The following TRAPPC6A variants were observed in gnomAD, a reference collection of about 807,000 sequenced individuals.
The protein encoded by TRAPPC6A is TRAPP complex subunit 6A.
In TRAPPC6A, 25 loss-of-function variants were observed where a neutral mutation model predicts 20.8. The ratio of observed to expected loss-of-function variants is 1.20; its 90% CI spans 0.88 to 1.68. TRAPPC6A has a LOEUF of 1.68. Ranked by LOEUF, TRAPPC6A falls within the 40% of genes most tolerant of loss-of-function variation. TRAPPC6A has a pLI of 0.00. For synonymous variants in TRAPPC6A, 96 were observed against 93.3 expected, an observed-to-expected ratio of 1.03 and a Z score of -0.16; for missense variants, 215 against 211.6, an observed-to-expected ratio of 1.02 and a Z score of -0.10.
At position 45,163,125 on chromosome 19, in the gene TRAPPC6A, GCCC is replaced by G; in HGVS notation, c.*64_*66del. 1.3e-6 allele frequency: 2 copies of G among 1,591,140 alleles called. No homozygotes were observed. The highest frequency in any genetic ancestry group is 1.7e-4 in the Middle Eastern group (1 of 6,030). ...CCCAAGACCACCCCGAAATGCAGCGGCCCCACCGTCTCCTGAGGCCGGTGAGGC... is the reference window on the plus strand; with the variant it reads ...CCCAAGACCACCCCGAAATGCAGCGGCACCGTCTCCTGAGGCCGGTGAGGC... On this transcript the variant is annotated 3_prime_UTR_variant, in exon 6 of 6. Coordinates refer to ENST00000585934, the MANE Select transcript of TRAPPC6A (RefSeq NM_001270891.2). This position sits in a 1 kb window ranked among gnomAD's most constrained non-coding sequence, Gnocchi z 5.3.
Position 45,163,364 on chromosome 19 carries a change from G to C in TRAPPC6A, c.449-141C>G. 3 of 849,560 alleles carry C rather than the reference G, an allele frequency of 3.5e-6. No homozygotes were observed. The highest frequency in any genetic ancestry group is 5.6e-6 in the Non-Finnish European group (3 of 539,032). The allele number at this position is 849,560 out of a possible 1,614,324, so 52.6% of individuals were successfully genotyped here. The stretch of plus-strand genomic sequence containing the variant: ...GCTGTTTCCTCCCGCCCACGGGGCC[G>C]CATCCCTGAGCTGTGTGAGTAACCA... On this transcript the variant is annotated intron_variant, in intron 5 of 5. Coordinates refer to ENST00000585934, the MANE Select transcript of TRAPPC6A (RefSeq NM_001270891.2). This position sits in a 1 kb window ranked among gnomAD's most constrained non-coding sequence, Gnocchi z 5.3.
intron 3 of TRAPPC6A, 152 bp from the exon 4 acceptor site, chr19:45,164,399 T>C (rs1969096403): frequency 9.6e-6 from 6 of 623,312 alleles, no homozygotes; most frequent in South Asian, 6.0e-5. Context: ...CCTCCAGTGC[T>C]CTGGTAGGGC....
chr19:45,171,226 C>A (rs1030512452), intron 1 of TRAPPC6A, among the ~76,000 whole-genome samples: 1 of 152,088 alleles, frequency 6.6e-6, no homozygotes, highest in East Asian at 1.9e-4. Context: ...CGCTTGAACC[C>A]GGGAGGCAGA....
rs1026867488 is a variant in TRAPPC6A, at chr19:45,178,041, C to G, written c.84+94G>C. Reference sequence around the variant, plus strand: ...TTGCCCTGCAAGGCCGGGGCTGGGCCGGGTTCGAACCCGGACGCCTGACGC... The same window carrying G: ...TTGCCCTGCAAGGCCGGGGCTGGGCGGGGTTCGAACCCGGACGCCTGACGC... On this transcript the variant is annotated intron_variant, in intron 1 of 5. Transcript: ENST00000585934. The G allele has an allele frequency of 1.2e-5, 19 of 1,587,524 alleles. No individual in the cohort carries two copies. In the Admixed American group the frequency reaches 2.3e-4, roughly 19 times the overall value.
intron 1 of TRAPPC6A, among the ~76,000 whole-genome samples, chr19:45,174,450 A>G (rs2122856332): frequency 6.6e-6 from 1 of 152,048 alleles, no homozygotes; most frequent in South Asian, 2.1e-4. Flanking sequence ...ATCAATACAC[A>G]CCCAGGCCCA....
rs146070521 is a variant in TRAPPC6A, at chr19:45,169,454, G to A, written c.85-4260C>T. Among the ~76,000 whole-genome samples the A allele has an allele frequency of 2.9e-3, 443 of 152,300 alleles. 2 individuals carry two copies. The highest frequency in any genetic ancestry group is 1.0e-2 in the African/African-American group (414 of 41,568). On this transcript the variant is annotated intron_variant, in intron 1 of 5. Transcript: ENST00000585934. ...TGGGACTACAGGTGTGAGCCACTGC[G>A]TCCAGCCCAAAGGAGGGGAATATTA...
Position 45,174,964 on chromosome 19 carries a change from CA to C in TRAPPC6A, c.84+3170del, listed in dbSNP as rs137961011. On this transcript the variant is annotated intron_variant, in intron 1 of 5. Transcript: ENST00000585934. ...TGAAACCCCGTCTCTACTAAAAATA[CA>C]AAAAAAAAAAAAATTGCCAGGCGCG... Among the ~76,000 whole-genome samples the C allele has an allele frequency of 3.4e-3, 427 of 127,296 alleles. 3 individuals are homozygous for C. The highest frequency in any genetic ancestry group is 0.033 in the East Asian group (139 of 4,236). The allele number at this position is 127,296 out of a possible 152,430, so 83.5% of individuals were successfully genotyped here. A position where few individuals can be genotyped will look rare whatever the true frequency, so the allele number is the denominator to read the frequency against.
At position 45,174,532 on chromosome 19, in the gene TRAPPC6A, A is replaced by T. The variant is rs549935303; in HGVS notation, c.84+3603T>A. 3.9e-5 allele frequency among the ~76,000 whole-genome samples: 6 copies of T among 152,250 alleles called. No individual in the cohort carries two copies. The South Asian group carries it at 6.2e-4, about 16-fold the overall frequency. On this transcript the variant is annotated intron_variant, in intron 1 of 5. Transcript: ENST00000585934. ...AGGATCATACAGATACACAATTCAG[A>T]CGCATCCTGGCAGGGCGTGCTGGCT...
At chr19:45,165,225 C>A (rs1328587169) in intron 1 of TRAPPC6A, 31 bp from the exon 2 acceptor site, 2 of 1,570,470 alleles carry the variant, frequency 1.3e-6, no homozygotes, top group Admixed American at 3.7e-5. Flanking sequence ...TGCTCAGGGG[C>A]CCTTAGCCAC....
In TRAPPC6A at chr19:45,163,976, C is replaced by G. The variant is rs369161508; in HGVS notation, c.388G>C (p.Ala130Pro). Residue 130 changes from alanine to proline, a missense_variant, in exon 5 of 6, where the codon GCC (alanine) becomes CCC (proline). By Grantham distance (27) the Ala-to-Pro change is conservative (BLOSUM62 -1). Coordinates refer to ENST00000585934, the MANE Select transcript of TRAPPC6A (RefSeq NM_001270891.2). This position sits in a 1 kb window ranked among gnomAD's most constrained non-coding sequence, Gnocchi z 5.3. ...CTCTCAATGCCCAGGGTATAGAGGG[C>G]GCCGCGCAGGAGGCCGCAGGTGAAG... Reference protein sequence around the residue: ...LAFTCGLLRGALYTLGIESVV... With the variant: ...LAFTCGLLRGPLYTLGIESVV... The G allele has an allele frequency of 2.1e-5, 33 of 1,579,388 alleles. No homozygotes were observed. In the Admixed American group the frequency reaches 6.2e-4, roughly 30 times the overall value.
intron 1 of TRAPPC6A, among the ~76,000 whole-genome samples, chr19:45,168,758 T>C (rs569773730): frequency 1.6e-4 from 24 of 152,226 alleles, no homozygotes; most frequent in African/African-American, 5.5e-4. Flanking sequence ...GGCTCTGAGG[T>C]TAAGAAGAAC....
rs932913091 is a variant in TRAPPC6A, at chr19:45,163,640, C to T, written c.448+276G>A. On this transcript the variant is annotated intron_variant, in intron 5 of 5. Transcript: ENST00000585934. This position sits in a 1 kb window ranked among gnomAD's most constrained non-coding sequence, Gnocchi z 5.3. ...CTGCAAGTTCCCTGGAGCCTGCCGT[C>T]GCCCCCATCGAAGGATCAGTGAGGA... is the stretch of plus-strand genomic sequence containing the variant. Among the ~76,000 whole-genome samples the T allele has an allele frequency of 2.0e-5, 3 of 152,170 alleles. No individual in the cohort carries two copies. Among genetic ancestry groups the T allele is most frequent in the Admixed American group, 6.5e-5 (1 of 15,288 alleles).
intron 1 of TRAPPC6A, among the ~76,000 whole-genome samples, chr19:45,177,063 G>A (rs1038441062): frequency 6.6e-6 from 1 of 152,076 alleles, no homozygotes; most frequent in African/African-American, 2.4e-5. Flanking sequence ...AGCGCTTGTG[G>A]TCCCAGCTAC....
intron 1 of TRAPPC6A, among the ~76,000 whole-genome samples, chr19:45,171,809 T>G (rs551919298): frequency 2.0e-5 from 3 of 152,262 alleles, no homozygotes; most frequent in South Asian, 4.1e-4. Context: ...TAAAGGAAGA[T>G]TCACACGTCC....
At chr19:45,175,636 C>G (rs1969355141) in intron 1 of TRAPPC6A, among the ~76,000 whole-genome samples, 1 of 151,956 alleles carries the variant, frequency 6.6e-6, no homozygotes, top group African/African-American at 2.4e-5. Context: ...GTGGAATGGG[C>G]TGGGAGAAGG....
chr19:45,169,305 G>GT (rs1404262264), intron 1 of TRAPPC6A, among the ~76,000 whole-genome samples: 1 of 152,200 alleles, frequency 6.6e-6, no homozygotes, highest in Non-Finnish European at 1.5e-5. Context: ...GGGTCATTTT[G>GT]TTTGTTTTTG....
intron 3 of TRAPPC6A, 40 bp from the exon 4 acceptor site, chr19:45,164,287 G>T: frequency 1.4e-6 from 2 of 1,409,130 alleles, no homozygotes; most frequent in Non-Finnish European, 1.9e-6. Flanking sequence ...GTCGGGGCCT[G>T]TACATTTGAA....
chr19:45,165,636 A>G (rs1305508626), intron 1 of TRAPPC6A, among the ~76,000 whole-genome samples: 1 of 152,234 alleles, frequency 6.6e-6, no homozygotes, highest in African/African-American at 2.4e-5. Flanking sequence ...GCTGGGCCAC[A>G]GGAAAGGGGG....
Position 45,164,153 on chromosome 19 carries a change from T to TC in TRAPPC6A, c.354+10dup. ...AGGGAGGTGTGGACAAGGCCCCAGC[T>TC]CCCCCCATACCTTGGGTGCTTCCTC... On this transcript the variant is annotated intron_variant, in intron 4 of 5. Coordinates refer to ENST00000585934, the MANE Select transcript of TRAPPC6A (RefSeq NM_001270891.2). The TC allele has an allele frequency of 2.5e-6, 4 of 1,595,986 alleles. No homozygotes were observed. Among genetic ancestry groups the TC allele is most frequent in the Non-Finnish European group, 3.4e-6 (4 of 1,171,714 alleles).
Sources: allele counts gnomAD v4.1 joint callset (sites outside exome capture counted in the v4.1 genomes callset), GRCh38; gene constraint gnomAD v4.1.1; non-coding constraint Gnocchi (gnomAD v3.1); transcripts MANE v1.5; gene names NCBI Gene and HGNC (gene_info 2026-07-23, HGNC 2026-07-21).